TACC3: variants seen among roughly 807,000 people sequenced by gnomAD.
TACC3 encodes the protein transforming acidic coiled-coil-containing protein 3.
A neutral mutation model predicts 86.0 loss-of-function variants in TACC3; 52 were observed. The observed-to-expected ratio is 0.60, with a 90% CI of 0.48 to 0.76. TACC3 has a LOEUF of 0.76. Among genes scored for constraint, TACC3 ranks in the 30% least tolerant of loss-of-function variants. TACC3 has a pLI of 0.00. For missense variants in TACC3, 1,120 were observed against 1,070.4 expected (o/e 1.05, Z -0.65); for synonymous variants, 512 against 430.0 (o/e 1.19, Z -2.36).
chr4:1,737,056 G>T (rs554362550), intron 8 of TACC3, among the ~76,000 whole-genome samples, 185 bp from the exon 9 acceptor site: 3 of 152,220 alleles, frequency 2.0e-5, no homozygotes, highest in Non-Finnish European at 4.4e-5. Context: ...GGTGAGGGAG[G>T]GGGGCACGGA....
In TACC3 at chr4:1,737,983, A is replaced by G. The variant is rs759165475; in HGVS notation, c.1941+281A>G. On this transcript the variant is annotated intron_variant, in intron 10 of 15. Coordinates refer to ENST00000313288, the MANE Select transcript of TACC3 (RefSeq NM_006342.3). ...TGGCGTTGGCCTCTGGTGGCCTTGC[A>G]GCAGTGAGTGTGGTTCTTGCTGCCG... 1.3e-5 allele frequency: 7 copies of G among 525,458 alleles called. 1 individual carries two copies. Among genetic ancestry groups the G allele is most frequent in the South Asian group, 1.2e-4 (7 of 58,684 alleles). 32.5% of individuals were successfully genotyped at this position (525,458 alleles called of 1,614,324 possible).
rs773885343 is a variant in TACC3 at position 1,740,968 on chromosome 4, G to A, written c.2205G>A (p.Val735=). 6.2e-7 allele frequency: 1 copy of A among 1,608,172 alleles called. No individual in the cohort carries two copies. Among genetic ancestry groups the A allele is most frequent in the Non-Finnish European group, 8.5e-7 (1 of 1,178,534 alleles). Residue 735 remains valine (V), a synonymous_variant, in exon 13 of 16, where the codon GTG becomes GTA. Coordinates refer to ENST00000313288, the MANE Select transcript of TACC3 (RefSeq NM_006342.3). ...AGCGTTTTGAGAAACAGAAAGAGGTGATCGAGGGCTACCGCAAGGTATGTC... is the reference window on the plus strand; with the variant it reads ...AGCGTTTTGAGAAACAGAAAGAGGTAATCGAGGGCTACCGCAAGGTATGTC... ...LFKRFEKQKE[V]IEGYRKNEES... is the part of the protein sequence containing the mutation.
intron 3 of TACC3, among the ~76,000 whole-genome samples, chr4:1,724,534 G>T (rs968475920): frequency 4.0e-5 from 6 of 150,518 alleles, no homozygotes; most frequent in Non-Finnish European, 7.4e-5. Context: ...GGGGCTACAG[G>T]CGCCCGCCGC....
chr4:1,733,270 T>G (rs1376682438), intron 6 of TACC3, among the ~76,000 whole-genome samples: 1 of 152,200 alleles, frequency 6.6e-6, no homozygotes, highest in Non-Finnish European at 1.5e-5. Flanking sequence ...ATGTTTTTAT[T>G]ACTGAGTTTT....
chr4:1,740,249 G>C, intron 12 of TACC3: 1 of 582,916 alleles, frequency 1.7e-6, no homozygotes, highest in Middle Eastern at 4.5e-4. Context: ...CAGATGCTGA[G>C]CTAGCAGTGG....
chr4:1,728,699 G>A lies in TACC3; in HGVS notation c.1297G>A (p.Glu433Lys), dbSNP rs1560301573. ...TGGTTGCAGTGAGGCCCAGCCCCCA[G>A]AAAGCCCTGAGACCAGGCTGGGCCA... The part of the protein sequence containing the change: ...KSGCSEAQPP[E>K]SPETRLGQPA... Residue 433 changes from glutamate to lysine, a missense_variant, in exon 4 of 16, where the codon GAA (glutamate) becomes AAA (lysine). By Grantham distance (56) the Glu-to-Lys change is moderately conservative (BLOSUM62 1). Coordinates refer to ENST00000313288, the MANE Select transcript of TACC3 (RefSeq NM_006342.3). 1 of 1,613,624 alleles carries A rather than the reference G, an allele frequency of 6.2e-7. No individual in the cohort carries two copies. The highest frequency in any genetic ancestry group is 1.7e-5 in the Admixed American group (1 of 60,032).
intron 3 of TACC3, among the ~76,000 whole-genome samples, chr4:1,726,953 C>T (rs1319100889): frequency 1.3e-5 from 2 of 152,082 alleles, no homozygotes; most frequent in Admixed American, 6.6e-5. Context: ...ATGATGAAAA[C>T]CTGTCTCTAC....
In TACC3 at chr4:1,728,096, G is replaced by A. The variant is rs770167825; in HGVS notation, c.694G>A (p.Ala232Thr). 5.6e-6 allele frequency: 9 copies of A among 1,608,852 alleles called. No individual in the cohort carries two copies. The highest frequency in any genetic ancestry group is 7.6e-6 in the Non-Finnish European group (9 of 1,178,896). The change falls in exon 4 of 16, where the codon GCC (alanine) becomes ACC (threonine). Residue 232 changes from alanine (A) to threonine (T), a missense_variant. Ala to Thr is a moderately conservative substitution (Grantham distance 58). Transcript: ENST00000313288. Reference protein sequence around the residue: ...EECKAETPHGAEEECRHGGVC... With the variant: ...EECKAETPHGTEEECRHGGVC... The stretch of plus-strand genomic sequence containing the variant: ...ATGCAAAGCGGAGACTCCGCACGGA[G>A]CCGAGGAGGAATGCCGGCACGGTGG...
intron 13 of TACC3, chr4:1,741,338 G>T (rs1339690101): frequency 5.8e-6 from 1 of 173,212 alleles, no homozygotes; most frequent in African/African-American, 2.4e-5. Context: ...CCGAGCGCTT[G>T]GGTCCCAAGG....
chr4:1,723,860 C>G lies in TACC3; in HGVS notation c.295C>G (p.Gln99Glu), dbSNP rs776870219. The G allele has an allele frequency of 1.9e-6, 3 of 1,613,158 alleles. No individual in the cohort carries two copies. Among genetic ancestry groups the G allele is most frequent in the South Asian group, 2.2e-5 (2 of 91,082 alleles). Residue 99 changes from glutamine (Q) to glutamate (E), a missense_variant, in exon 3 of 16, where the codon CAG becomes GAG. Coordinates refer to ENST00000313288, the MANE Select transcript of TACC3 (RefSeq NM_006342.3). ...GGAAAACTCACACCCGGTCTGGACACAGAAAGAGAAGTAAGTGTTGGTGCT... is the reference window on the plus strand; with the variant it reads ...GGAAAACTCACACCCGGTCTGGACAGAGAAAGAGAAGTAAGTGTTGGTGCT... ...GLENSHPVWT[Q>E]KENQQLIKEV...
chr4:1,728,754 C>G lies in TACC3; in HGVS notation c.1352C>G (p.Pro451Arg). Residue 451 changes from proline (P) to arginine (R), a missense_variant, in exon 4 of 16, where the codon CCT (proline) becomes CGT (arginine). Pro to Arg is a moderately radical substitution (Grantham distance 103). Coordinates refer to ENST00000313288, the MANE Select transcript of TACC3 (RefSeq NM_006342.3). ...QPAAEQLHAGPATEEPGPCLS... is the reference protein window; with the variant it reads ...QPAAEQLHAGRATEEPGPCLS... Reference sequence around the variant, plus strand: ...GCGGCTGAACAGTTGCATGCTGGGCCTGCCACGGAGGAGCCAGGTCCCTGT... The same window carrying G: ...GCGGCTGAACAGTTGCATGCTGGGCGTGCCACGGAGGAGCCAGGTCCCTGT... 6.2e-7 allele frequency: 1 copy of G among 1,610,998 alleles called. No individual in the cohort carries two copies. The highest frequency in any genetic ancestry group is 8.5e-7 in the Non-Finnish European group (1 of 1,179,184).
At chr4:1,731,619 A>G (rs1325994648) in intron 6 of TACC3, among the ~76,000 whole-genome samples, 2 of 152,216 alleles carry the variant, frequency 1.3e-5, no homozygotes, top group Non-Finnish European at 2.9e-5. Flanking sequence ...CTCGATCATC[A>G]GAAATACTGC....
intron 1 of TACC3, among the ~76,000 whole-genome samples, chr4:1,722,690 CT>C (rs1375579999): frequency 1.3e-5 from 2 of 152,192 alleles, no homozygotes; most frequent in Non-Finnish European, 2.9e-5. Flanking sequence ...CTCTGGCAGC[CT>C]TTTTCCCTAC....
rs577843568 is a variant in TACC3, at chr4:1,725,837, C to A, written c.306-1871C>A. On this transcript the variant is annotated intron_variant, in intron 3 of 15. Coordinates refer to ENST00000313288, the MANE Select transcript of TACC3 (RefSeq NM_006342.3). ...AGAGCAGCCGCTGCGTGCAGCTGCCCACGTGTCATTCAGAGGACAGCCGAG... is the reference window on the plus strand; with the variant it reads ...AGAGCAGCCGCTGCGTGCAGCTGCCAACGTGTCATTCAGAGGACAGCCGAG... 3.0e-4 allele frequency among the ~76,000 whole-genome samples: 46 copies of A among 152,348 alleles called. 1 individual carries two copies. In the Middle Eastern group the frequency reaches 0.024, roughly 79 times the overall value.
At position 1,735,648 on chromosome 4, in the gene TACC3, T is replaced by A. The variant is rs897076139; in HGVS notation, c.1645-83T>A. The stretch of plus-strand genomic sequence containing the variant: ...GTGCGGGTGACCGGGGGTGGGAGTG[T>A]GCAGGTGACCTCCCTGGCCCTTAGC... On this transcript the variant is annotated intron_variant, in intron 7 of 15. Transcript: ENST00000313288. The surrounding 1 kb of genome is among the most constrained non-coding windows in gnomAD (Gnocchi z 4.2). 8 of 1,100,890 alleles carry A rather than the reference T, an allele frequency of 7.3e-6. No homozygotes were observed. Among genetic ancestry groups the A allele is most frequent in the Non-Finnish European group, 9.6e-6 (7 of 728,322 alleles). The allele number at this position is 1,100,890 out of a possible 1,614,324, so 68.2% of individuals were successfully genotyped here.
intron 13 of TACC3, among the ~76,000 whole-genome samples, chr4:1,742,342 T>A (rs1273701144): frequency 6.6e-6 from 1 of 152,228 alleles, no homozygotes; most frequent in Non-Finnish European, 1.5e-5. Flanking sequence ...TCCCTCAGGT[T>A]GGGCTGTGGT....
Position 1,737,615 on chromosome 4 carries a change from A to G in TACC3, c.1854A>G (p.Pro618=). ...ALDIPVPGPP[P]GVPAPGGPPL... ...TCCCGCAGGTGCCAGGCCCACCCCC[A>G]GGTGTTCCCGCGCCTGGGGGCCCAC... is the stretch of plus-strand genomic sequence containing the variant. The change falls in exon 10 of 16, where the codon CCA becomes CCG. Residue 618 remains proline, a synonymous_variant. Coordinates refer to ENST00000313288, the MANE Select transcript of TACC3 (RefSeq NM_006342.3). 6 of 1,521,516 alleles carry G rather than the reference A, an allele frequency of 3.9e-6. No individual in the cohort carries two copies. Among genetic ancestry groups the G allele is most frequent in the Non-Finnish European group, 4.4e-6 (5 of 1,129,946 alleles). The allele number at this position is 1,521,516 out of a possible 1,614,324, so 94.3% of individuals were successfully genotyped here. A position where few individuals can be genotyped will look rare whatever the true frequency, so the allele number is the denominator to read the frequency against.
Position 1,728,051 on chromosome 4 carries a change from C to T in TACC3, c.649C>T (p.Pro217Ser). 6.5e-6 allele frequency: 10 copies of T among 1,542,528 alleles called. No individual in the cohort carries two copies. The highest frequency in any genetic ancestry group is 8.8e-6 in the Non-Finnish European group (10 of 1,141,594). ...RTESQHKAET[P>S]HGAEEECKAE... Reference sequence around the variant, plus strand: ...AGAGTCCCAGCACAAAGCGGAGACTCCGCACGGAGCCGAGGAAGAATGCAA... The same window carrying T: ...AGAGTCCCAGCACAAAGCGGAGACTTCGCACGGAGCCGAGGAAGAATGCAA... The change falls in exon 4 of 16, where the codon CCG becomes TCG. Residue 217 changes from proline to serine, a missense_variant. Transcript: ENST00000313288.
chr4:1,732,967 C>G (rs907864782), intron 6 of TACC3, among the ~76,000 whole-genome samples: 1 of 152,166 alleles, frequency 6.6e-6, no homozygotes, highest in African/African-American at 2.4e-5. Flanking sequence ...GGAGTGGAGT[C>G]GCTGGTCACA....
Sources: allele counts gnomAD v4.1 joint callset (sites outside exome capture counted in the v4.1 genomes callset), GRCh38; gene constraint gnomAD v4.1.1; non-coding constraint Gnocchi (gnomAD v3.1); transcripts MANE v1.5; gene names NCBI Gene and HGNC (gene_info 2026-07-23, HGNC 2026-07-21).